The following DCUN1D3 variants were observed in gnomAD, a reference collection of about 807,000 sequenced individuals.
The protein encoded by DCUN1D3 is defective in cullin neddylation 1 domain containing 3.
Under a neutral mutation model 24.8 loss-of-function variants are expected in DCUN1D3, and 6 were observed. That is an observed-to-expected ratio of 0.24 (90% CI 0.13 to 0.48). The LOEUF (loss-of-function observed/expected upper bound fraction) is 0.48. Ranked by LOEUF, DCUN1D3 falls within the 20% of genes least tolerant of loss-of-function variation. The pLI is 0.99. For missense variants in DCUN1D3, 258 were observed against 379.4 expected (o/e 0.68, Z 2.66); for synonymous variants, 120 against 144.9 (o/e 0.83, Z 1.24).
Position 20,862,475 on chromosome 16 carries a change from G to T in DCUN1D3, c.64C>A (p.Arg22Ser). Residue 22 changes from arginine (R) to serine (S), a missense_variant, in exon 2 of 3, where the codon CGT (arginine) becomes AGT (serine). Transcript: ENST00000324344. Reference protein sequence around the residue: ...SSTLGSKNGDREPSNKSHSRR... With the variant: ...SSTLGSKNGDSEPSNKSHSRR... Reference sequence around the variant, plus strand: ...CTATGTGACTTGTTGCTGGGCTCACGGTCTCCATTTTTGCTGCCCAGGGTC... The same window carrying T: ...CTATGTGACTTGTTGCTGGGCTCACTGTCTCCATTTTTGCTGCCCAGGGTC... 1 of 1,612,208 alleles carries T rather than the reference G, an allele frequency of 6.2e-7. No individual in the cohort carries two copies.
intron 1 of DCUN1D3, among the ~76,000 whole-genome samples, chr16:20,864,659 A>G (rs1329538222): frequency 6.6e-6 from 1 of 152,208 alleles, no homozygotes. Flanking sequence ...CAGATGAATA[A>G]AAACCATTCT....
At position 20,856,708 on chromosome 16, in the gene DCUN1D3, G is replaced by A. The variant is rs2081704433; in HGVS notation, c.*3178C>T. 3 of 152,124 alleles carry A rather than the reference G, an allele frequency of 2.0e-5. No individual in the cohort carries two copies. Among genetic ancestry groups the A allele is most frequent in the African/African-American group, 4.8e-5 (2 of 41,416 alleles). The allele number at this position is 152,124 out of a possible 1,614,324, so 9.4% of individuals were successfully genotyped here. A position where few individuals can be genotyped will look rare whatever the true frequency, so the allele number is the denominator to read the frequency against. ...CCTTACAGGAGGTGGGGTTAAGAAC[G>A]ATACATTGAGATTTGGCAAAGATGG... On this transcript the variant is annotated 3_prime_UTR_variant, in exon 3 of 3. Coordinates refer to ENST00000324344, the MANE Select transcript of DCUN1D3 (RefSeq NM_173475.4).
At chr16:20,898,711 G>A (rs972761680) in intron 1 of DCUN1D3, among the ~76,000 whole-genome samples, 1 of 152,192 alleles carries the variant, frequency 6.6e-6, no homozygotes, top group South Asian at 2.1e-4. Flanking sequence ...GTTACAGAAG[G>A]ACAGGACTTA....
At position 20,860,956 on chromosome 16, in the gene DCUN1D3, C is replaced by T. The variant is rs2081729180; in HGVS notation, c.432-587G>A. Among the ~76,000 whole-genome samples, 1 of 152,230 alleles carries T rather than the reference C, an allele frequency of 6.6e-6. No individual in the cohort carries two copies. The highest frequency in any genetic ancestry group is 2.4e-5 in the African/African-American group (1 of 41,458). On this transcript the variant is annotated intron_variant, in intron 2 of 2. Transcript: ENST00000324344. This position sits in a 1 kb window ranked among gnomAD's most constrained non-coding sequence, Gnocchi z 4.3. The stretch of plus-strand genomic sequence containing the variant: ...TACAGCATGGTCTCGCATTGATCGT[C>T]TTCTCAGGGACTGTAGTATCTGCTG...
chr16:20,859,912 C>T lies in DCUN1D3; in HGVS notation c.889G>A (p.Gly297Ser). 1.9e-6 allele frequency: 3 copies of T among 1,613,212 alleles called. No individual in the cohort carries two copies. Among genetic ancestry groups the T allele is most frequent in the African/African-American group, 1.3e-5 (1 of 75,044 alleles). ...GRGALSSGPE[G>S]LCPEEQT Reference sequence around the variant, plus strand: ...TAAGTCTGCTCCTCGGGACACAAGCCCTCAGGCCCTGAGCTGAGTGCACCT... The same window carrying T: ...TAAGTCTGCTCCTCGGGACACAAGCTCTCAGGCCCTGAGCTGAGTGCACCT... The change falls in exon 3 of 3, where the codon GGC becomes AGC. Residue 297 changes from glycine (G) to serine (S), a missense_variant. Gly to Ser is a moderately conservative substitution (Grantham distance 56). Transcript: ENST00000324344.
chr16:20,867,978 C>G (rs1412678382), intron 1 of DCUN1D3, among the ~76,000 whole-genome samples: 1 of 152,224 alleles, frequency 6.6e-6, no homozygotes, highest in Non-Finnish European at 1.5e-5. Flanking sequence ...ATCTGCTGTG[C>G]CCAACGGACA....
chr16:20,864,350 A>G (rs971976727), intron 1 of DCUN1D3, among the ~76,000 whole-genome samples: 11 of 152,228 alleles, frequency 7.2e-5, no homozygotes, highest in African/African-American at 2.7e-4. Flanking sequence ...ACACTTCTCA[A>G]AAGAAGACAT....
intron 1 of DCUN1D3, among the ~76,000 whole-genome samples, chr16:20,879,283 G>C (rs191529374): frequency 6.6e-6 from 1 of 152,122 alleles, no homozygotes; most frequent in African/African-American, 2.4e-5. Context: ...AACAGTGATC[G>C]TCCACCAGTG....
chr16:20,893,298 A>C (rs539423520), intron 1 of DCUN1D3, among the ~76,000 whole-genome samples: 1 of 151,912 alleles, frequency 6.6e-6, no homozygotes, highest in South Asian at 2.1e-4. Flanking sequence ...TCAGCCTCCC[A>C]AGCAGGTGAC....
At chr16:20,873,155 G>T (rs763673176) in intron 1 of DCUN1D3, among the ~76,000 whole-genome samples, 56 of 151,348 alleles carry the variant, frequency 3.7e-4, no homozygotes, top group Non-Finnish European at 5.7e-4. Flanking sequence ...CCAATCCAAT[G>T]ATCCAGTGAT....
chr16:20,893,330 G>A (rs1310873164), intron 1 of DCUN1D3, among the ~76,000 whole-genome samples: 6 of 152,110 alleles, frequency 3.9e-5, no homozygotes, highest in South Asian at 4.2e-4. Flanking sequence ...ACACCACCAC[G>A]CCCAGCTCCT....
chr16:20,860,541 T>G lies in DCUN1D3; in HGVS notation c.432-172A>C, dbSNP rs182396062. Among the ~76,000 whole-genome samples the G allele has an allele frequency of 6.7e-4, 102 of 152,230 alleles. No individual in the cohort carries two copies. Among genetic ancestry groups the G allele is most frequent in the Non-Finnish European group, 1.4e-3 (94 of 68,042 alleles). The stretch of plus-strand genomic sequence containing the variant: ...TTGTCAAATGGTAAAAATACCACCT[T>G]ACTTCATAGGGTTTTGGTGAGGACT... On this transcript the variant is annotated intron_variant, in intron 2 of 2. Coordinates refer to ENST00000324344, the MANE Select transcript of DCUN1D3 (RefSeq NM_173475.4). This position sits in a 1 kb window ranked among gnomAD's most constrained non-coding sequence, Gnocchi z 4.3.
chr16:20,871,478 T>C (rs2081787957), intron 1 of DCUN1D3, among the ~76,000 whole-genome samples: 1 of 152,220 alleles, frequency 6.6e-6, no homozygotes, highest in South Asian at 2.1e-4. Flanking sequence ...CAGTTTAGCA[T>C]AAAGTCATTT....
At chr16:20,867,117 C>G (rs755763264) in intron 1 of DCUN1D3, among the ~76,000 whole-genome samples, 8 of 152,220 alleles carry the variant, frequency 5.3e-5, no homozygotes, top group Non-Finnish European at 1.2e-4. Flanking sequence ...ATACTCATCA[C>G]AGCCTCATTT....
chr16:20,866,813 C>G (rs1259121158), intron 1 of DCUN1D3, among the ~76,000 whole-genome samples: 1 of 152,178 alleles, frequency 6.6e-6, no homozygotes, highest in Non-Finnish European at 1.5e-5. Flanking sequence ...ATCTCCAGAT[C>G]TGGTAAGTAT....
chr16:20,881,380 C>T lies in DCUN1D3; in HGVS notation c.-105-18737G>A, dbSNP rs139738673. 1.5e-3 allele frequency among the ~76,000 whole-genome samples: 230 copies of T among 152,278 alleles called. 1 individual carries two copies. Among genetic ancestry groups the T allele is most frequent in the African/African-American group, 5.3e-3 (222 of 41,564 alleles). On this transcript the variant is annotated intron_variant, in intron 1 of 2. Coordinates refer to ENST00000324344, the MANE Select transcript of DCUN1D3 (RefSeq NM_173475.4). ...GATGAGTGTGCCACTGCACTCCAGC[C>T]TGGGTGACAGAGCAAGATCCTGTCT...
intron 1 of DCUN1D3, among the ~76,000 whole-genome samples, chr16:20,899,534 G>A (rs1040792953): frequency 1.0e-4 from 15 of 150,382 alleles, no homozygotes; most frequent in Non-Finnish European, 2.1e-4. Context: ...GAGGAAAGGG[G>A]AAGAAAAAAA....
At chr16:20,875,349 A>C (rs1042029685) in intron 1 of DCUN1D3, among the ~76,000 whole-genome samples, 1 of 152,104 alleles carries the variant, frequency 6.6e-6, no homozygotes, top group Non-Finnish European at 1.5e-5. Context: ...CCAACATTCA[A>C]TTCTCTCACT....
rs1181388558 is a variant in DCUN1D3 at position 20,856,592 on chromosome 16, T to C, written c.*3294A>G. The C allele has an allele frequency of 6.6e-6, 1 of 152,166 alleles. No homozygotes were observed. The allele number at this position is 152,166 out of a possible 1,614,324, so 9.4% of individuals were successfully genotyped here. A position where few individuals can be genotyped will look rare whatever the true frequency, so the allele number is the denominator to read the frequency against. Reference sequence around the variant, plus strand: ...CCAGCTCTAGATTCATCTTCCCTTATCAGAAGGGCAGACATGGTTTCCTGG... The same window carrying C: ...CCAGCTCTAGATTCATCTTCCCTTACCAGAAGGGCAGACATGGTTTCCTGG... On this transcript the variant is annotated 3_prime_UTR_variant, in exon 3 of 3. Transcript: ENST00000324344.
Sources: allele counts gnomAD v4.1 joint callset (sites outside exome capture counted in the v4.1 genomes callset), GRCh38; gene constraint gnomAD v4.1.1; non-coding constraint Gnocchi (gnomAD v3.1); transcripts MANE v1.5; gene names NCBI Gene and HGNC (gene_info 2026-07-23, HGNC 2026-07-21).